Variants in SOX5 observed in about 807,000 individuals in gnomAD.
The protein encoded by SOX5 is transcription factor SOX-5.
A neutral mutation model predicts 92.0 loss-of-function variants in SOX5; 9 were observed. That is an observed-to-expected ratio of 0.10 (90% confidence interval 0.06 to 0.17). The LOEUF is 0.17. Ranked by LOEUF, SOX5 falls within the 10% of genes least tolerant of loss-of-function variation. The pLI is 1.00. For missense variants in SOX5, 642 were observed against 944.5 expected, an observed-to-expected ratio of 0.68 and a Z score of 4.20; for synonymous variants, 344 against 336.3, an observed-to-expected ratio of 1.02 and a Z score of -0.25.
intron 1 of SOX5, among the ~76,000 whole-genome samples, chr12:23,948,375 T>C (rs954829021): frequency 1.3e-5 from 2 of 152,272 alleles, no homozygotes; most frequent in East Asian, 1.9e-4. Context: ...TTCTCTTCCA[T>C]TGCTTCACTT....
At chr12:24,451,124 T>TAA (rs1170031804) in intron 1 of SOX5, among the ~76,000 whole-genome samples, 1 of 152,238 alleles carries the variant, frequency 6.6e-6, no homozygotes, top group Admixed American at 6.5e-5. Flanking sequence ...AATGACAGGA[T>TAA]CTCATCCTTT....
intron 11 of SOX5, among the ~76,000 whole-genome samples, chr12:23,548,514 A>G (rs1943579182): frequency 1.3e-5 from 2 of 148,150 alleles, no homozygotes; most frequent in Admixed American, 1.3e-4. Flanking sequence ...CCCTTTGTAT[A>G]GTAATTTAAG....
At position 24,325,909 on chromosome 12, in the gene SOX5, C is replaced by A. The variant is rs1042133087; in HGVS notation, c.-174+42654G>T. On this transcript the variant is annotated intron_variant, in intron 2 of 4. Coordinates refer to the SOX5 transcript ENST00000446891. The stretch of plus-strand genomic sequence containing the variant: ...GGTTGCGCACACGTGCACGCGCGCG[C>A]GTGTGTGTGTATGTTAGATAAGATG... Among the ~76,000 whole-genome samples, 3 of 151,984 alleles carry A rather than the reference C, an allele frequency of 2.0e-5. No homozygotes were observed. The East Asian group carries it at 5.8e-4, about 29-fold the overall frequency.
chr12:23,910,102 T>C (rs2097335574), intron 1 of SOX5, among the ~76,000 whole-genome samples: 1 of 152,176 alleles, frequency 6.6e-6, no homozygotes, highest in South Asian at 2.1e-4. Flanking sequence ...ATTCCTTTTT[T>C]ACTAAAATAT....
chr12:24,360,635 A>G (rs1002647378), intron 2 of SOX5, among the ~76,000 whole-genome samples: 3 of 152,170 alleles, frequency 2.0e-5, no homozygotes, highest in African/African-American at 7.2e-5. Context: ...ACTTCATTTT[A>G]CATATTGAAA....
intron 2 of SOX5, among the ~76,000 whole-genome samples, chr12:24,354,987 T>C (rs757779857): frequency 1.3e-5 from 2 of 152,176 alleles, no homozygotes; most frequent in Non-Finnish European, 2.9e-5. Context: ...TATAAAACAA[T>C]GTGTGTGTAT....
chr12:24,004,659 A>G (rs1951962602), intron 4 of SOX5, among the ~76,000 whole-genome samples: 1 of 152,134 alleles, frequency 6.6e-6, no homozygotes, highest in South Asian at 2.1e-4. Context: ...GCCTGCATAT[A>G]TATTGCTGCT....
intron 2 of SOX5, among the ~76,000 whole-genome samples, chr12:24,278,567 T>A (rs1010813887): frequency 6.6e-6 from 1 of 151,936 alleles, no homozygotes. Context: ...AAAAATTAGC[T>A]AAGCATGGTG....
At chr12:23,575,458 G>A (rs760903999) in intron 10 of SOX5, among the ~76,000 whole-genome samples, 17 of 152,178 alleles carry the variant, frequency 1.1e-4, no homozygotes, top group Non-Finnish European at 2.4e-4. Context: ...TACACAATTA[G>A]ATTTTCAGGA....
intron 2 of SOX5, among the ~76,000 whole-genome samples, chr12:24,311,822 T>C (rs969092185): frequency 3.9e-5 from 6 of 152,204 alleles, no homozygotes; most frequent in African/African-American, 9.6e-5. Flanking sequence ...ATTTGCCTCC[T>C]TTTTAAAAAG....
chr12:23,893,465 G>A (rs949696773), intron 2 of SOX5, among the ~76,000 whole-genome samples: 2 of 151,564 alleles, frequency 1.3e-5, no homozygotes, highest in East Asian at 1.9e-4. Flanking sequence ...AATAGGAATG[G>A]TTTCATTTGT....
chr12:23,745,533 T>C (rs12315132), intron 4 of SOX5, among the ~76,000 whole-genome samples: 2,209 of 152,248 alleles, frequency 0.015, 52 homozygotes, highest in African/African-American at 0.05. Context: ...CACCTACTTG[T>C]CCCACTTCCT....
intron 3 of SOX5, among the ~76,000 whole-genome samples, chr12:24,263,188 G>A (rs570334152): frequency 5.3e-5 from 8 of 152,088 alleles, no homozygotes; most frequent in African/African-American, 1.9e-4. Flanking sequence ...TTGCACCACT[G>A]CACTCCAGCC....
chr12:23,924,438 T>C (rs376222540), intron 1 of SOX5, among the ~76,000 whole-genome samples: 17 of 152,212 alleles, frequency 1.1e-4, no homozygotes, highest in African/African-American at 3.6e-4. Flanking sequence ...CCTTATATAA[T>C]TTGACAAATT....
intron 2 of SOX5, among the ~76,000 whole-genome samples, chr12:24,345,363 AAGCC>A (rs1490352695): frequency 6.6e-6 from 1 of 152,176 alleles, no homozygotes; most frequent in African/African-American, 2.4e-5. Context: ...ACCAACTTCC[AAGCC>A]AGCTCAAGTT....
chr12:24,541,158 G>A (rs965015923), intron 1 of SOX5, among the ~76,000 whole-genome samples: 12 of 152,148 alleles, frequency 7.9e-5, no homozygotes, highest in Admixed American at 2.6e-4. Context: ...AACAAGGTGC[G>A]AGCTTATACT....
At chr12:24,245,148 T>C (rs544949209) in intron 3 of SOX5, among the ~76,000 whole-genome samples, 1 of 152,294 alleles carries the variant, frequency 6.6e-6, no homozygotes, top group Admixed American at 6.5e-5. Flanking sequence ...TATGGCTTTA[T>C]GTAATTGTTT....
intron 4 of SOX5, among the ~76,000 whole-genome samples, chr12:24,103,212 T>C (rs1254842286): frequency 1.3e-5 from 2 of 152,232 alleles, no homozygotes; most frequent in South Asian, 2.1e-4. Flanking sequence ...AGGAACATTA[T>C]GAGTAAATTG....
At chr12:24,107,009 T>C (rs866912979) in intron 4 of SOX5, among the ~76,000 whole-genome samples, 17 of 151,992 alleles carry the variant, frequency 1.1e-4, no homozygotes, top group Admixed American at 4.6e-4. Context: ...CCTAGAAGTA[T>C]TGAGGTAAAA....
Sources: allele counts gnomAD v4.1 joint callset (sites outside exome capture counted in the v4.1 genomes callset), GRCh38; gene constraint gnomAD v4.1.1; transcripts MANE v1.5; gene names NCBI Gene and HGNC (gene_info 2026-07-23, HGNC 2026-07-21).